The following MGAT4C variants were observed in gnomAD, a reference collection of about 807,000 sequenced individuals.
MGAT4C encodes the protein alpha-1,3-mannosyl-glycoprotein 4-beta-N-acetylglucosaminyltransferase C.
Under a neutral mutation model 40.1 loss-of-function variants are expected in MGAT4C, and 19 were observed. The observed-to-expected ratio is 0.47, with a 90% CI of 0.33 to 0.70. The LOEUF (loss-of-function observed/expected upper bound fraction) is 0.70, where lower values mean the gene tolerates loss of function less well. MGAT4C is among the 30% of genes least tolerant of loss of function. MGAT4C has a pLI of 0.02. For synonymous variants in MGAT4C, 181 were observed against 187.1 expected (o/e 0.97, Z 0.27); for missense variants, 491 against 563.2 (o/e 0.87, Z 1.30).
chr12:86,302,733 G>A (rs187287428), intron 4 of MGAT4C, among the ~76,000 whole-genome samples: 3 of 150,594 alleles, frequency 2.0e-5, no homozygotes, highest in Non-Finnish European at 4.4e-5. Context: ...CAGGACAGCA[G>A]CCTCTTTTAT....
chr12:86,773,942 C>CTTTTTTTTTTT (rs1565980916), intron 1 of MGAT4C, among the ~76,000 whole-genome samples: 1 of 106,520 alleles, frequency 9.4e-6, no homozygotes, highest in Admixed American at 1.1e-4. Flanking sequence ...TTTAAAGTAA[C>CTTTTTTTTTTT]TTCTTTTTTT....
chr12:86,626,303 C>T (rs374736264), intron 2 of MGAT4C, among the ~76,000 whole-genome samples: 45 of 152,282 alleles, frequency 3.0e-4, no homozygotes, highest in African/African-American at 9.9e-4. Flanking sequence ...TGACCTAATT[C>T]TCTTCCTGAA....
chr12:86,717,884 T>C (rs1950672148), intron 2 of MGAT4C, among the ~76,000 whole-genome samples: 1 of 152,198 alleles, frequency 6.6e-6, no homozygotes, highest in Non-Finnish European at 1.5e-5. Context: ...TATTAGGAAA[T>C]TTGATATAAA....
rs528621731 is a variant in MGAT4C, at chr12:86,280,184, A to AT, written c.-57+53880dup. Among the ~76,000 whole-genome samples the AT allele has an allele frequency of 4.7e-4, 71 of 152,058 alleles. 1 individual carries two copies. In the South Asian group the frequency reaches 0.012, roughly 27 times the overall value. On this transcript the variant is annotated intron_variant, in intron 4 of 7. Coordinates refer to the MGAT4C transcript ENST00000548651. ...TGGTCTATAGTGCAGATTAAGTTCA[A>AT]TTTTTTTGTTGATTTTCTGCCTGAA... is the stretch of plus-strand genomic sequence containing the variant.
At chr12:86,264,357 G>C (rs941159429) in intron 4 of MGAT4C, among the ~76,000 whole-genome samples, 4 of 152,146 alleles carry the variant, frequency 2.6e-5, no homozygotes, top group African/African-American at 9.7e-5. Context: ...TGTATATGGT[G>C]AGAGATAGGG....
chr12:86,228,618 C>T (rs1270595477), intron 1 of MGAT4C, among the ~76,000 whole-genome samples: 1 of 151,560 alleles, frequency 6.6e-6, no homozygotes, highest in South Asian at 2.1e-4. Flanking sequence ...CTGTATTAGT[C>T]CCCCAGTATT....
chr12:86,816,491 C>T (rs1281799864), intron 1 of MGAT4C, among the ~76,000 whole-genome samples: 2 of 151,380 alleles, frequency 1.3e-5, no homozygotes, highest in East Asian at 1.9e-4. Flanking sequence ...TGTCATTAAC[C>T]TTCAATCTTT....
At chr12:86,414,865 A>G (rs910896349) in intron 3 of MGAT4C, among the ~76,000 whole-genome samples, 2 of 152,096 alleles carry the variant, frequency 1.3e-5, no homozygotes, top group Non-Finnish European at 2.9e-5. Flanking sequence ...GCTGCATTCC[A>G]TGTTATTAAT....
In MGAT4C at chr12:86,541,583, A is replaced by G. The variant is rs1959167932; in HGVS notation, c.-228-106318T>C. 1.3e-5 allele frequency among the ~76,000 whole-genome samples: 2 copies of G among 152,236 alleles called. 1 individual carries two copies. Among genetic ancestry groups the G allele is most frequent in the Non-Finnish European group, 2.9e-5 (2 of 68,022 alleles). ...TTAAAATGCATTAATCAATTGCTTG[A>G]CAAGTCTAGATTTTATAACTAAAGA... On this transcript the variant is annotated intron_variant, in intron 2 of 7. Coordinates refer to the MGAT4C transcript ENST00000548651.
intron 1 of MGAT4C, among the ~76,000 whole-genome samples, chr12:86,231,285 T>G (rs1323865350): frequency 1.3e-5 from 2 of 152,320 alleles, no homozygotes; most frequent in Non-Finnish European, 2.9e-5. Flanking sequence ...AAGAGATAAC[T>G]TATCCTTAGG....
At chr12:86,343,897 C>T (rs1264272291) in intron 3 of MGAT4C, among the ~76,000 whole-genome samples, 1 of 151,680 alleles carries the variant, frequency 6.6e-6, no homozygotes, top group Non-Finnish European at 1.5e-5. Context: ...GGTCTGTGTG[C>T]TTACATATGA....
chr12:86,638,293 C>T (rs1010344749), intron 2 of MGAT4C, among the ~76,000 whole-genome samples: 1 of 151,784 alleles, frequency 6.6e-6, no homozygotes, highest in Non-Finnish European at 1.5e-5. Flanking sequence ...CAGGCACTTT[C>T]CTATGAGAAA....
intron 1 of MGAT4C, among the ~76,000 whole-genome samples, chr12:86,082,685 T>G (rs1871060899): frequency 6.6e-6 from 1 of 152,144 alleles, no homozygotes; most frequent in African/African-American, 2.4e-5. Flanking sequence ...TGATATCTAT[T>G]TACAACTTTT....
At chr12:86,495,972 C>A (rs571388873) in intron 2 of MGAT4C, among the ~76,000 whole-genome samples, 2 of 152,080 alleles carry the variant, frequency 1.3e-5, no homozygotes, top group East Asian at 1.9e-4. Flanking sequence ...TACATTCCTG[C>A]CCCGCTATAT....
At chr12:86,275,444 G>T (rs1291039533) in intron 4 of MGAT4C, among the ~76,000 whole-genome samples, 1 of 152,130 alleles carries the variant, frequency 6.6e-6, no homozygotes, top group Admixed American at 6.5e-5. Context: ...ACAATGCCCA[G>T]CTGTTGTAGT....
intron 1 of MGAT4C, among the ~76,000 whole-genome samples, chr12:86,157,988 C>T (rs1346831829): frequency 6.6e-6 from 1 of 152,084 alleles, no homozygotes; most frequent in Non-Finnish European, 1.5e-5. Context: ...ATACTTTATT[C>T]AAGAAGCAGC....
At chr12:85,990,847 T>A (rs1214608671) in intron 2 of MGAT4C, among the ~76,000 whole-genome samples, 4 of 152,378 alleles carry the variant, frequency 2.6e-5, no homozygotes, top group Non-Finnish European at 5.9e-5. Context: ...TAGATGCACA[T>A]AAATGTATAT....
At chr12:86,021,207 A>G (rs868814419) in intron 2 of MGAT4C, among the ~76,000 whole-genome samples, 8 of 152,120 alleles carry the variant, frequency 5.3e-5, no homozygotes, top group African/African-American at 1.7e-4. Context: ...AGAACTAGAA[A>G]TACCATTTGA....
chr12:86,635,791 C>T (rs1963201274), intron 2 of MGAT4C, among the ~76,000 whole-genome samples: 1 of 151,608 alleles, frequency 6.6e-6, no homozygotes, highest in Non-Finnish European at 1.5e-5. Flanking sequence ...ATGCTCCCAC[C>T]TTGGTCTCCT....
Sources: allele counts gnomAD v4.1 joint callset (sites outside exome capture counted in the v4.1 genomes callset), GRCh38; gene constraint gnomAD v4.1.1; transcripts MANE v1.5; gene names NCBI Gene and HGNC (gene_info 2026-07-23, HGNC 2026-07-21).